CLMN: variants seen among roughly 807,000 people sequenced by gnomAD.
CLMN encodes calmin (calponin-like, transmembrane).
CLMN carries 57 observed loss-of-function variants against 92.7 expected under a neutral mutation model. The observed-to-expected ratio is 0.61, with a 90% CI of 0.50 to 0.77. The LOEUF is 0.77. CLMN is among the 30% of genes least tolerant of loss of function. CLMN has a pLI of 0.00. For missense variants in CLMN, 1,158 were observed against 1,237.5 expected (o/e 0.94, Z 0.96); for synonymous variants, 466 against 470.6 (o/e 0.99, Z 0.13).
intron 1 of CLMN, among the ~76,000 whole-genome samples, chr14:95,282,236 C>A (rs765653994): frequency 3.9e-5 from 6 of 152,190 alleles, no homozygotes; most frequent in Non-Finnish European, 7.3e-5. Context: ...TTGAACAATT[C>A]TTCTTGCACT....
chr14:95,247,049 C>T (rs1309800043), intron 1 of CLMN, among the ~76,000 whole-genome samples: 1 of 152,164 alleles, frequency 6.6e-6, no homozygotes, highest in African/African-American at 2.4e-5. Flanking sequence ...CATCACCAGA[C>T]AGAATTCACA....
intron 1 of CLMN, among the ~76,000 whole-genome samples, chr14:95,272,796 T>C (rs141792766): frequency 6.6e-6 from 1 of 152,310 alleles, no homozygotes; most frequent in African/African-American, 2.4e-5. Context: ...TAATTGTAAG[T>C]TGTTTCTATG....
rs1019230405 is a variant in CLMN at position 95,256,255 on chromosome 14, A to G, written c.83-26122T>C. ...TCGGCACCCAGTTGGGAAGGACTTC[A>G]CAGCACTCCCTGCCTCCTTTAAAAC... On this transcript the variant is annotated intron_variant, in intron 1 of 12. Transcript: ENST00000298912. The surrounding 1 kb of genome is among the most constrained non-coding windows in gnomAD (Gnocchi z 4.9). Among the ~76,000 whole-genome samples the G allele has an allele frequency of 6.6e-6, 1 of 152,222 alleles. No homozygotes were observed. The highest frequency in any genetic ancestry group is 6.5e-5 in the Admixed American group (1 of 15,292).
chr14:95,319,262 C>A (rs919237983), intron 1 of CLMN, among the ~76,000 whole-genome samples: 6 of 151,982 alleles, frequency 3.9e-5, no homozygotes, highest in Non-Finnish European at 8.8e-5. Context: ...GCCCACCATT[C>A]AATTCCCCTT....
chr14:95,244,601 T>TA (rs1898387561), intron 1 of CLMN, among the ~76,000 whole-genome samples: 2 of 152,206 alleles, frequency 1.3e-5, no homozygotes, highest in Admixed American at 6.5e-5. Flanking sequence ...TTCAGGCTGC[T>TA]AAAAAATCCA....
At chr14:95,300,517 A>G (rs1901003302) in intron 1 of CLMN, among the ~76,000 whole-genome samples, 1 of 152,196 alleles carries the variant, frequency 6.6e-6, no homozygotes, top group South Asian at 2.1e-4. Context: ...GGTACTCCAG[A>G]TCAAAGGAGA....
intron 9 of CLMN, among the ~76,000 whole-genome samples, chr14:95,202,605 G>T (rs749570373): frequency 6.6e-6 from 1 of 152,208 alleles, no homozygotes; most frequent in South Asian, 2.1e-4. Flanking sequence ...CCAGGACTGG[G>T]GGAAAGCCAG....
chr14:95,267,289 T>G (rs867355977), intron 1 of CLMN, among the ~76,000 whole-genome samples: 62 of 152,084 alleles, frequency 4.1e-4, no homozygotes, highest in African/African-American at 1.4e-3. Context: ...TGATAAGGGA[T>G]TAATAACAAG....
chr14:95,293,527 A>G (rs1397342159), intron 1 of CLMN, among the ~76,000 whole-genome samples: 1 of 151,970 alleles, frequency 6.6e-6, no homozygotes, highest in Non-Finnish European at 1.5e-5. Context: ...GCAGTCTGTC[A>G]GCCTCTGATC....
At position 95,222,047 on chromosome 14, in the gene CLMN, G is replaced by A. The variant is rs117956064; in HGVS notation, c.241-273C>T. ...AGTTGGTGAGTTGGGGGGAACTGAA[G>A]TGGGTCAGCAAGGGACAAATTTGTC... is the stretch of plus-strand genomic sequence containing the variant. On this transcript the variant is annotated intron_variant, in intron 3 of 12. Coordinates refer to ENST00000298912, the MANE Select transcript of CLMN (RefSeq NM_024734.4). 3.0e-4 allele frequency among the ~76,000 whole-genome samples: 46 copies of A among 152,330 alleles called. 1 individual carries two copies. In the East Asian group the frequency reaches 7.3e-3, roughly 24 times the overall value.
rs1173592308 is a variant in CLMN at position 95,194,126 on chromosome 14, G to C, written c.2770-207C>G. The C allele has an allele frequency of 7.1e-7, 1 of 1,417,792 alleles. No homozygotes were observed. Among genetic ancestry groups the C allele is most frequent in the Non-Finnish European group, 9.1e-7 (1 of 1,092,924 alleles). 87.8% of individuals were successfully genotyped at this position (1,417,792 alleles called of 1,614,324 possible). On this transcript the variant is annotated intron_variant, in intron 11 of 12. Coordinates refer to ENST00000298912, the MANE Select transcript of CLMN (RefSeq NM_024734.4). This position sits in a 1 kb window ranked among gnomAD's most constrained non-coding sequence, Gnocchi z 4.0. The stretch of plus-strand genomic sequence containing the variant: ...CTAAGCCCCTCCCTTGTGAGTGCGA[G>C]AGACCCCACCACCCGGAACCCGGAT...
In CLMN at chr14:95,196,624, C is replaced by A; in HGVS notation, c.2582G>T (p.Ser861Ile). The change falls in exon 10 of 13, where the codon AGT (serine) becomes ATT (isoleucine). Residue 861 changes from serine (S) to isoleucine (I), a missense_variant. Physicochemically the swap from Ser to Ile is moderately radical, Grantham distance 142. Coordinates refer to ENST00000298912, the MANE Select transcript of CLMN (RefSeq NM_024734.4). ...TTTCCTTTTTTCCTTTTTTTTACTA[C>A]TGATTGATTCTTTCGTTACATTTTC... ...LEENVTKESI[S>I]SKKKEKRKHV... The A allele has an allele frequency of 6.2e-7, 1 of 1,613,994 alleles. No individual in the cohort carries two copies. The highest frequency in any genetic ancestry group is 8.5e-7 in the Non-Finnish European group (1 of 1,180,008).
rs1261214016 is a variant in CLMN at position 95,191,909 on chromosome 14, G to A, written c.2841-177C>T. The A allele has an allele frequency of 1.5e-5, 8 of 521,560 alleles. No individual in the cohort carries two copies. Among genetic ancestry groups the A allele is most frequent in the East Asian group, 9.7e-5 (3 of 30,794 alleles). The allele number at this position is 521,560 out of a possible 1,614,324, so 32.3% of individuals were successfully genotyped here. A position where few individuals can be genotyped will look rare whatever the true frequency, so the allele number is the denominator to read the frequency against. On this transcript the variant is annotated intron_variant, in intron 12 of 12. Transcript: ENST00000298912. This position sits in a 1 kb window ranked among gnomAD's most constrained non-coding sequence, Gnocchi z 5.3. ...GTGTACTGGCCCAAGGCAGTGCGTC[G>A]GGCCATCCAGGCAGCCCCTCGAGCT...
chr14:95,267,787 A>G (rs1899534698), intron 1 of CLMN, among the ~76,000 whole-genome samples: 1 of 152,262 alleles, frequency 6.6e-6, no homozygotes, highest in South Asian at 2.1e-4. Flanking sequence ...CCATCCACAG[A>G]TAAATGAATA....
At chr14:95,234,960 C>T (rs912704913) in intron 1 of CLMN, among the ~76,000 whole-genome samples, 2 of 152,208 alleles carry the variant, frequency 1.3e-5, no homozygotes, top group African/African-American at 2.4e-5. Context: ...AATATTTCTG[C>T]TCTTTGTTGC....
At chr14:95,220,280 A>C in intron 4 of CLMN, among the ~76,000 whole-genome samples, 1 of 149,412 alleles carries the variant, frequency 6.7e-6, no homozygotes, top group East Asian at 2.0e-4. Flanking sequence ...GGGCTCAAGC[A>C]ATTCTCCTGC....
At chr14:95,298,627 C>T (rs11621333) in intron 1 of CLMN, among the ~76,000 whole-genome samples, 15,031 of 152,208 alleles carry the variant, frequency 0.099, 1,009 homozygotes, top group Non-Finnish European at 0.15. Flanking sequence ...TGGGTCAGAA[C>T]GTTGGCCCAA....
intron 1 of CLMN, among the ~76,000 whole-genome samples, chr14:95,273,789 T>G (rs574497942): frequency 6.6e-6 from 1 of 152,280 alleles, no homozygotes; most frequent in East Asian, 1.9e-4. Flanking sequence ...TCCACTTTGT[T>G]GACACACTTT....
rs1348351018 is a variant in CLMN, at chr14:95,189,109, T to C, written c.*2455A>G. ...CAATCCTTAAGTGCTCCAGGTAATG[T>C]CAACACCTAATAGAAATGTACTAAA... On this transcript the variant is annotated 3_prime_UTR_variant, in exon 13 of 13. Coordinates refer to ENST00000298912, the MANE Select transcript of CLMN (RefSeq NM_024734.4). 6.6e-6 allele frequency: 1 copy of C among 152,132 alleles called. No homozygotes were observed. The highest frequency in any genetic ancestry group is 6.6e-5 in the Admixed American group (1 of 15,264). 9.4% of individuals were successfully genotyped at this position (152,132 alleles called of 1,614,324 possible). A position where few individuals can be genotyped will look rare whatever the true frequency, so the allele number is the denominator to read the frequency against.
Sources: allele counts gnomAD v4.1 joint callset (sites outside exome capture counted in the v4.1 genomes callset), GRCh38; gene constraint gnomAD v4.1.1; non-coding constraint Gnocchi (gnomAD v3.1); transcripts MANE v1.5; gene names NCBI Gene and HGNC (gene_info 2026-07-23, HGNC 2026-07-21).